The following OSBPL10 variants were observed in gnomAD, a reference collection of about 807,000 sequenced individuals.
OSBPL10 encodes the protein oxysterol-binding protein-related protein 10.
A neutral mutation model predicts 81.7 loss-of-function variants in OSBPL10; 49 were observed. That is an observed-to-expected ratio of 0.60 (90% CI 0.48 to 0.76). OSBPL10 has a LOEUF of 0.76. OSBPL10 is among the 30% of genes least tolerant of loss of function. The pLI is 0.00. For missense variants in OSBPL10, 923 were observed against 987.8 expected (o/e 0.93, Z 0.88); for synonymous variants, 419 against 383.6 (o/e 1.09, Z -1.08).
intron 1 of OSBPL10, among the ~76,000 whole-genome samples, chr3:31,942,079 C>T (rs1036517573): frequency 6.6e-6 from 1 of 151,734 alleles, no homozygotes; most frequent in African/African-American, 2.4e-5. Context: ...TTGAGACCAT[C>T]CTGGCTAACA....
At chr3:31,944,833 TAAAAAAAAAAAAA>T (rs869140991) in intron 1 of OSBPL10, among the ~76,000 whole-genome samples, 36 of 55,116 alleles carry the variant, frequency 6.5e-4, no homozygotes, top group South Asian at 3.2e-3. Flanking sequence ...CCCCTCTCTT[TAAAAAAAAAAAAA>T]AAAAAAAAAA....
intron 8 of OSBPL10, among the ~76,000 whole-genome samples, chr3:31,676,394 C>CTAA (rs752295970): frequency 0.043 from 6,028 of 141,364 alleles, 339 homozygotes; most frequent in East Asian, 0.32. Context: ...CTAAGAGAAG[C>CTAA]CAAAAAAAAA....
At chr3:31,740,297 C>T (rs919508997) in intron 5 of OSBPL10, among the ~76,000 whole-genome samples, 2 of 152,150 alleles carry the variant, frequency 1.3e-5, no homozygotes, top group African/African-American at 4.8e-5. Context: ...CCGCCTCGGC[C>T]TCCCAAAGTG....
intron 1 of OSBPL10, among the ~76,000 whole-genome samples, chr3:31,968,423 A>C (rs1395664339): frequency 1.3e-5 from 2 of 152,170 alleles, no homozygotes; most frequent in East Asian, 1.9e-4. Flanking sequence ...GCCTTCAGAT[A>C]AACAGAAATT....
chr3:31,994,526 ATGGATGG>A (rs1274793486), intron 2 of OSBPL10, among the ~76,000 whole-genome samples: 144 of 152,158 alleles, frequency 9.5e-4, no homozygotes, highest in African/African-American at 3.4e-3. Flanking sequence ...GGATGGATGG[ATGGATGG>A]ATGGTCTGCC....
intron 1 of OSBPL10, among the ~76,000 whole-genome samples, chr3:31,921,424 T>C (rs1247878249): frequency 6.6e-6 from 1 of 152,118 alleles, no homozygotes; most frequent in African/African-American, 2.4e-5. Flanking sequence ...CATCTTGTAG[T>C]ACCAGGAAGT....
At chr3:31,826,050 A>G (rs965847198) in intron 4 of OSBPL10, among the ~76,000 whole-genome samples, 1 of 152,164 alleles carries the variant, frequency 6.6e-6, no homozygotes, top group African/African-American at 2.4e-5. Flanking sequence ...TATTGAATCT[A>G]TGCCTTTATT....
At chr3:31,705,070 T>C (rs896183507) in intron 6 of OSBPL10, 38 of 152,242 alleles carry the variant, frequency 2.5e-4, no homozygotes, top group African/African-American at 9.2e-4. Flanking sequence ...GGATGACTGG[T>C]GGCCCTGAAG....
At chr3:31,818,553 A>G (rs1191590286) in intron 4 of OSBPL10, among the ~76,000 whole-genome samples, 1 of 152,136 alleles carries the variant, frequency 6.6e-6, no homozygotes, top group Non-Finnish European at 1.5e-5. Context: ...GCCTCCTCTC[A>G]CACAGGAGCC....
At chr3:32,009,925 C>T (rs948924542) in intron 2 of OSBPL10, among the ~76,000 whole-genome samples, 2 of 152,136 alleles carry the variant, frequency 1.3e-5, no homozygotes, top group South Asian at 2.1e-4. Context: ...TTGAAGCATT[C>T]GTTATAGGCT....
intron 4 of OSBPL10, among the ~76,000 whole-genome samples, chr3:31,785,419 A>T (rs1008245612): frequency 6.6e-6 from 1 of 152,184 alleles, no homozygotes; most frequent in Non-Finnish European, 1.5e-5. Context: ...GAAACAGGAA[A>T]AACCAAGATA....
intron 4 of OSBPL10, among the ~76,000 whole-genome samples, chr3:31,782,854 G>A (rs111950752): frequency 0.14 from 20,741 of 151,886 alleles, 1,913 homozygotes; most frequent in African/African-American, 0.27. Flanking sequence ...GTCAACTAGC[G>A]TAACCATTAT....
intron 3 of OSBPL10, among the ~76,000 whole-genome samples, chr3:31,835,410 A>G (rs1389725111): frequency 2.0e-5 from 3 of 152,228 alleles, no homozygotes; most frequent in African/African-American, 7.2e-5. Flanking sequence ...ACATGTATCA[A>G]AAGTTTGTAA....
intron 2 of OSBPL10, among the ~76,000 whole-genome samples, chr3:32,020,715 GA>G (rs1052194577): frequency 1.2e-3 from 170 of 138,122 alleles, no homozygotes; most frequent in East Asian, 0.012. Context: ...ATCTCCAGGA[GA>G]AAAAAAAAAA....
At chr3:31,842,110 G>C (rs761134470) in intron 3 of OSBPL10, among the ~76,000 whole-genome samples, 8 of 152,192 alleles carry the variant, frequency 5.3e-5, no homozygotes, top group Non-Finnish European at 1.0e-4. Flanking sequence ...GCAAGCCTAC[G>C]CTTGATGAAT....
At chr3:31,764,590 A>G (rs2125730174) in intron 4 of OSBPL10, among the ~76,000 whole-genome samples, 1 of 152,378 alleles carries the variant, frequency 6.6e-6, no homozygotes, top group Non-Finnish European at 1.5e-5. Flanking sequence ...AGCAAATTTG[A>G]GAACTCCTTT....
At chr3:31,742,503 C>G (rs13078478) in intron 5 of OSBPL10, among the ~76,000 whole-genome samples, 37,513 of 152,136 alleles carry the variant, frequency 0.25, 5,647 homozygotes, top group Middle Eastern at 0.36. Context: ...CATTTGTGTT[C>G]ACGGGTACCT....
intron 1 of OSBPL10, among the ~76,000 whole-genome samples, chr3:31,946,060 A>C (rs1056484177): frequency 1.3e-5 from 2 of 151,928 alleles, no homozygotes; most frequent in Admixed American, 1.3e-4. Context: ...GGCTTACTGC[A>C]ACCTCCGCCT....
chr3:31,716,192 T>A (rs757321433), intron 6 of OSBPL10, among the ~76,000 whole-genome samples: 1 of 152,160 alleles, frequency 6.6e-6, no homozygotes, highest in Non-Finnish European at 1.5e-5. Flanking sequence ...TTTGTTTGGT[T>A]TGGGGTTTGT....
Sources: gnomAD v4.1 joint callset for allele counts (sites outside exome capture counted in the v4.1 genomes callset) on GRCh38, gnomAD v4.1.1 for gene constraint, MANE v1.5 for transcripts, NCBI Gene and HGNC (gene_info 2026-07-23, HGNC 2026-07-21) for gene names.